Variants in DLL3 observed in about 807,000 individuals in gnomAD.
DLL3 encodes delta like canonical Notch ligand 3, also known as delta-like protein 3.
A neutral mutation model predicts 55.0 loss-of-function variants in DLL3; 49 were observed. The ratio of observed to expected loss-of-function variants is 0.89; its 90% CI spans 0.71 to 1.13. The LOEUF is 1.13. DLL3 is among the 50% of genes most tolerant of loss of function. DLL3 has a pLI of 0.00. For synonymous variants in DLL3, 421 were observed against 385.2 expected (o/e 1.09, Z -1.09); for missense variants, 962 against 875.5 (o/e 1.10, Z -1.25).
Position 39,504,062 on chromosome 19 carries a change from C to T in DLL3, c.653-9C>T, listed in dbSNP as rs973529611. 6.2e-7 allele frequency: 1 copy of T among 1,612,994 alleles called. No individual in the cohort carries two copies. Among genetic ancestry groups the T allele is most frequent in the East Asian group, 2.2e-5 (1 of 44,884 alleles). ...GTTCCCTTTCTCTCTGCCTCTCTGTCCCCCATAGTGGTGTGCCGAGCAGGC... is the reference window on the plus strand; with the variant it reads ...GTTCCCTTTCTCTCTGCCTCTCTGTTCCCCATAGTGGTGTGCCGAGCAGGC... On this transcript the variant is annotated splice_polypyrimidine_tract_variant and intron_variant, in intron 4 of 8. Transcript: ENST00000356433.
Position 39,507,497 on chromosome 19 carries a change from C to G in DLL3, c.1552C>G (p.Arg518Gly), listed in dbSNP as rs749973172. The change falls in exon 7 of 9, where the codon CGT becomes GGT. Residue 518 changes from arginine (R) to glycine (G), a missense_variant. Physicochemically the swap from Arg to Gly is moderately radical, Grantham distance 125. Transcript: ENST00000356433. The part of the protein sequence containing the change: ...AALLLVHVRR[R>G]GHSQDAGSRL... ...GCTCTTGCTGGTCCACGTGCGCCGC[C>G]GTGGCCACTCCCAGGATGCTGGGTC... is the stretch of plus-strand genomic sequence containing the variant. 2 of 1,596,520 alleles carry G rather than the reference C, an allele frequency of 1.3e-6. No individual in the cohort carries two copies. The highest frequency in any genetic ancestry group is 2.3e-5 in the East Asian group (1 of 43,736).
In DLL3 at chr19:39,507,281, G is replaced by A; in HGVS notation, c.1336G>A (p.Ala446Thr). ...CTGTGCTCACGGCGGCCGCTGCTAC[G>A]CCCACTTCTCCGGCCTCGTCTGCGC... ...RPCAHGGRCY[A>T]HFSGLVCACA... Residue 446 changes from alanine (A) to threonine (T), a missense_variant, in exon 7 of 9, where the codon GCC becomes ACC. Coordinates refer to ENST00000356433, the MANE Select transcript of DLL3 (RefSeq NM_203486.3). 1.9e-6 allele frequency: 3 copies of A among 1,540,134 alleles called. No homozygotes were observed. Among genetic ancestry groups the A allele is most frequent in the Non-Finnish European group, 2.6e-6 (3 of 1,150,014 alleles).
At chr19:39,505,957 T>C (rs1326907998) in intron 6 of DLL3, among the ~76,000 whole-genome samples, 11 of 152,078 alleles carry the variant, frequency 7.2e-5, no homozygotes, top group Non-Finnish European at 1.2e-4. Context: ...ACGCCTGTAA[T>C]TCCAGCACTT....
chr19:39,506,160 C>T (rs913628644), intron 6 of DLL3, among the ~76,000 whole-genome samples: 3 of 134,706 alleles, frequency 2.2e-5, no homozygotes, highest in Admixed American at 1.7e-4. Context: ...TGCAGTGAGC[C>T]GAGATCATGC....
rs770966935 is a variant in DLL3, at chr19:39,500,636, G to A, written c.373G>A (p.Glu125Lys). 15 of 1,613,268 alleles carry A rather than the reference G, an allele frequency of 9.3e-6. No individual in the cohort carries two copies. Among genetic ancestry groups the A allele is most frequent in the Middle Eastern group, 1.6e-4 (1 of 6,084 alleles). ...AWPGTFSFII[E>K]TWREELGDQI... is the part of the protein sequence containing the mutation. ...CCAGGGCACCTTCTCTTTCATCATC[G>A]AAACCTGGAGAGAGGAGTTAGGAGA... Residue 125 changes from glutamate (E) to lysine (K), a missense_variant, in exon 3 of 9, where the codon GAA becomes AAA. By Grantham distance (56) the Glu-to-Lys change is moderately conservative. Transcript: ENST00000356433.
In DLL3 at chr19:39,503,029, A is replaced by AC. The variant is rs1337382425; in HGVS notation, c.626dup (p.Leu210AlafsTer6). 2.0e-6 allele frequency: 3 copies of AC among 1,516,914 alleles called. No individual in the cohort carries two copies. In the African/African-American group the frequency reaches 4.2e-5, roughly 21 times the overall value. The allele number at this position is 1,516,914 out of a possible 1,614,324, so 94.0% of individuals were successfully genotyped here. On this transcript the variant is annotated frameshift_variant, in exon 4 of 9. Transcript: ENST00000356433. LOFTEE classifies it high-confidence loss of function. The stretch of plus-strand genomic sequence containing the variant: ...GCGGTCCGGGACTGCGCCCCTGCGC[A>AC]CCGCTCGAGGACGAATGTGAGGCGC...
chr19:39,507,234 C>G lies in DLL3; in HGVS notation c.1289C>G (p.Ala430Gly), dbSNP rs934448866. 8 of 1,460,056 alleles carry G rather than the reference C, an allele frequency of 5.5e-6. No homozygotes were observed. The African/African-American group carries it at 1.2e-4, about 22-fold the overall frequency. 90.4% of individuals were successfully genotyped at this position (1,460,056 alleles called of 1,614,324 possible). A position where few individuals can be genotyped will look rare whatever the true frequency, so the allele number is the denominator to read the frequency against. Residue 430 changes from alanine (A) to glycine (G), a missense_variant, in exon 7 of 9, where the codon GCG (alanine) becomes GGG (glycine). By Grantham distance (60) the Ala-to-Gly change is moderately conservative. Transcript: ENST00000356433. ...GFGGRDCRER[A>G]DPCAARPCAH... ...GGCGGCCGCGACTGCCGCGAGCGCG[C>G]GGACCCGTGCGCCGCGCGCCCCTGT... is the stretch of plus-strand genomic sequence containing the variant.
In DLL3 at chr19:39,505,326, A is replaced by G. The variant is rs1475157035; in HGVS notation, c.968A>G (p.Asn323Ser). 7 of 1,614,040 alleles carry G rather than the reference A, an allele frequency of 4.3e-6. No individual in the cohort carries two copies. Among genetic ancestry groups the G allele is most frequent in the Non-Finnish European group, 5.9e-6 (7 of 1,180,024 alleles). The change falls in exon 6 of 9, where the codon AAC becomes AGC. Residue 323 changes from asparagine to serine, a missense_variant. By Grantham distance (46) the Asn-to-Ser change is conservative. Coordinates refer to ENST00000356433, the MANE Select transcript of DLL3 (RefSeq NM_203486.3). ...GVTCADGPCF[N>S]GGLCVGGADP... The stretch of plus-strand genomic sequence containing the variant: ...ACATGTGCAGATGGACCCTGCTTCA[A>G]CGGCGGCTTGTGTGTCGGGGGTGCA...
Position 39,499,286 on chromosome 19 carries a change from C to G in DLL3, c.164C>G (p.Pro55Arg). 2 of 1,541,926 alleles carry G rather than the reference C, an allele frequency of 1.3e-6. No homozygotes were observed. Among genetic ancestry groups the G allele is most frequent in the Non-Finnish European group, 1.7e-6 (2 of 1,147,944 alleles). The change falls in exon 2 of 9, where the codon CCC becomes CGC. Residue 55 changes from proline to arginine, a missense_variant. By Grantham distance (103) the Pro-to-Arg change is moderately radical. Coordinates refer to ENST00000356433, the MANE Select transcript of DLL3 (RefSeq NM_203486.3). ...APRSPCSARL[P>R]CRLFFRVCLK... ...CGGTCCCCCTGCAGCGCCCGGCTCC[C>G]CTGCCGCCTCTTCTTCAGAGTCTGC...
At position 39,504,152 on chromosome 19, in the gene DLL3, G is replaced by A; in HGVS notation, c.734G>A (p.Gly245Glu). Residue 245 changes from glycine to glutamate, a missense_variant, in exon 5 of 9, where the codon GGA becomes GAA. Gly to Glu is a moderately conservative substitution (Grantham distance 98). Coordinates refer to ENST00000356433, the MANE Select transcript of DLL3 (RefSeq NM_203486.3). ...TGCCGATGCCTAGAGGGCTGGACTG[G>A]ACCCCTCTGCACGGTCCCTGTCTCC... is the stretch of plus-strand genomic sequence containing the variant. ...GECRCLEGWTGPLCTVPVSTS... is the reference protein window; with the variant it reads ...GECRCLEGWTEPLCTVPVSTS... 6.2e-7 allele frequency: 1 copy of A among 1,612,636 alleles called. No individual in the cohort carries two copies.
chr19:39,503,947 C>G lies in DLL3; in HGVS notation c.653-124C>G, dbSNP rs573480412. 30 of 912,894 alleles carry G rather than the reference C, an allele frequency of 3.3e-5. No homozygotes were observed. The Admixed American group carries it at 4.4e-4, about 13-fold the overall frequency. 56.5% of individuals were successfully genotyped at this position (912,894 alleles called of 1,614,324 possible). ...AGTACCATCTAGTCCCGATGATTATCTGTCACAAAGATGAAGCAAGGTGGC... is the reference window on the plus strand; with the variant it reads ...AGTACCATCTAGTCCCGATGATTATGTGTCACAAAGATGAAGCAAGGTGGC... On this transcript the variant is annotated intron_variant, in intron 4 of 8. Transcript: ENST00000356433.
intron 4 of DLL3, among the ~76,000 whole-genome samples, chr19:39,503,711 C>T (rs956004386): frequency 1.3e-5 from 2 of 152,200 alleles, no homozygotes; most frequent in African/African-American, 4.8e-5. Flanking sequence ...CCCTGAAAGG[C>T]CAGGGGTCCC....
In DLL3 at chr19:39,499,282, C is replaced by A. The variant is rs200673897; in HGVS notation, c.160C>A (p.Leu54Ile). The A allele has an allele frequency of 4.9e-4, 751 of 1,541,550 alleles. 3 individuals are homozygous for A. In the African/African-American group the frequency reaches 9.3e-3, roughly 19 times the overall value. The part of the protein sequence containing the change: ...GAPRSPCSAR[L>I]PCRLFFRVCL... ...CCCGCGGTCCCCCTGCAGCGCCCGG[C>A]TCCCCTGCCGCCTCTTCTTCAGAGT... The change falls in exon 2 of 9, where the codon CTC becomes ATC. Residue 54 changes from leucine (L) to isoleucine (I), a missense_variant. Coordinates refer to ENST00000356433, the MANE Select transcript of DLL3 (RefSeq NM_203486.3).
chr19:39,507,003 C>A (rs1467155251), intron 6 of DLL3, 36 bp from the exon 7 acceptor site: 2 of 1,530,008 alleles, frequency 1.3e-6, no homozygotes, highest in Admixed American at 2.0e-5. Context: ...GTCCCCGGCT[C>A]CCGGACTGCG....
rs1376486878 is a variant in DLL3, at chr19:39,502,453, T to C, written c.410-362T>C. 2.0e-5 allele frequency among the ~76,000 whole-genome samples: 3 copies of C among 151,924 alleles called. No homozygotes were observed. The South Asian group carries it at 6.2e-4, about 32-fold the overall frequency. On this transcript the variant is annotated intron_variant, in intron 3 of 8. Transcript: ENST00000356433. ...AATTTTTTTAAAGAATTTTTTATTT[T>C]TAGTAGAGACGGTTTCACCATGTTG...
At chr19:39,506,211 C>CA (rs541216671) in intron 6 of DLL3, among the ~76,000 whole-genome samples, 971 of 54,526 alleles carry the variant, frequency 0.018, 108 homozygotes, top group Non-Finnish European at 0.021. Context: ...CACTCTGTCT[C>CA]AAAAAAAAAA....
At position 39,504,433 on chromosome 19, in the gene DLL3, G is replaced by A. The variant is rs537572169; in HGVS notation, c.870+145G>A. 37 of 899,788 alleles carry A rather than the reference G, an allele frequency of 4.1e-5. No homozygotes were observed. In the East Asian group the frequency reaches 8.7e-4, roughly 21 times the overall value. 55.7% of individuals were successfully genotyped at this position (899,788 alleles called of 1,614,324 possible). A position where few individuals can be genotyped will look rare whatever the true frequency, so the allele number is the denominator to read the frequency against. Reference sequence around the variant, plus strand: ...AGGTCTTCCTGGAGGCATCCAGCCGGCATCTGGGGCCTTGAAGTAGGATTA... The same window carrying A: ...AGGTCTTCCTGGAGGCATCCAGCCGACATCTGGGGCCTTGAAGTAGGATTA... On this transcript the variant is annotated intron_variant, in intron 5 of 8. Transcript: ENST00000356433.
At chr19:39,507,965 G>A in intron 8 of DLL3, 51 bp downstream of exon 8, 2 of 1,614,086 alleles carry the variant, frequency 1.2e-6, no homozygotes, top group Non-Finnish European at 1.7e-6. Context: ...CTGGGCAGAG[G>A]CAGCACCTGC....
chr19:39,505,178 G>A, intron 5 of DLL3, 51 bp from the exon 6 acceptor site: 1 of 1,589,290 alleles, frequency 6.3e-7, no homozygotes, highest in Non-Finnish European at 8.6e-7. Context: ...GAGGGGGATG[G>A]GATTTTTCTC....
Sources: allele counts gnomAD v4.1 joint callset (sites outside exome capture counted in the v4.1 genomes callset), GRCh38; gene constraint gnomAD v4.1.1; transcripts MANE v1.5; gene names NCBI Gene and HGNC (gene_info 2026-07-23, HGNC 2026-07-21).